B3GALT1: variants seen among roughly 807,000 people sequenced by gnomAD.
B3GALT1 encodes beta-1,3-galactosyltransferase 1, also known as UDP-Gal:betaGlcNAc beta 1,3-galactosyltransferase, polypeptide 1.
B3GALT1 carries 10 observed loss-of-function variants against 23.2 expected under a neutral mutation model. The observed-to-expected ratio is 0.43, with a 90% CI of 0.27 to 0.73. The LOEUF (loss-of-function observed/expected upper bound fraction) is 0.73. Among genes scored for constraint, B3GALT1 ranks in the 30% least tolerant of loss-of-function variants. The pLI, the probability that B3GALT1 is intolerant of heterozygous loss-of-function variation, is 0.21. For missense variants in B3GALT1, 299 were observed against 405.4 expected (o/e 0.74, Z 2.25); for synonymous variants, 156 against 141.5 (o/e 1.10, Z -0.73).
chr2:167,538,978 G>A (rs1405953169), intron 2 of B3GALT1, among the ~76,000 whole-genome samples: 1 of 152,016 alleles, frequency 6.6e-6, no homozygotes, highest in Non-Finnish European at 1.5e-5. Context: ...CCAAATTATT[G>A]CCTTGTTACT....
chr2:167,650,302 CTA>C (rs199838551), intron 3 of B3GALT1, among the ~76,000 whole-genome samples: 8 of 146,578 alleles, frequency 5.5e-5, no homozygotes, highest in East Asian at 4.0e-4. Flanking sequence ...ACCACTTGAT[CTA>C]TATATATATA....
intron 2 of B3GALT1, among the ~76,000 whole-genome samples, chr2:167,491,478 T>C (rs1471130876): frequency 1.5e-5 from 2 of 133,600 alleles, no homozygotes; most frequent in African/African-American, 5.7e-5. Context: ...TTGGTTTTAC[T>C]TTTGCTTTTT....
intron 2 of B3GALT1, among the ~76,000 whole-genome samples, chr2:167,495,992 T>C (rs1222665323): frequency 2.0e-5 from 3 of 152,166 alleles, no homozygotes; most frequent in Non-Finnish European, 4.4e-5. Context: ...TTCCAGAACA[T>C]GAAAGTAGAA....
rs79197656 is a variant in B3GALT1 at position 167,414,921 on chromosome 2, A to G, written c.-510-75256A>G. Among the ~76,000 whole-genome samples the G allele has an allele frequency of 8.7e-3, 1,321 of 152,246 alleles. 19 individuals carry two copies. The highest frequency in any genetic ancestry group is 0.03 in the African/African-American group (1,236 of 41,536). On this transcript the variant is annotated intron_variant, in intron 1 of 4. Coordinates refer to ENST00000392690, the MANE Select transcript of B3GALT1 (RefSeq NM_020981.4). ...CTTCTGCTTTAATTCTTTAACAGAT[A>G]TTTTTCAAACTTAATGTACGTTAAT...
At chr2:167,304,024 C>G (rs943284338) in intron 1 of B3GALT1, among the ~76,000 whole-genome samples, 6 of 152,108 alleles carry the variant, frequency 3.9e-5, no homozygotes, top group African/African-American at 1.4e-4. Context: ...TCAAGGTCTT[C>G]CATACCTTCC....
rs1043088784 is a variant in B3GALT1 at position 167,545,099 on chromosome 2, A to G, written c.-410+54822A>G. 2.4e-5 allele frequency among the ~76,000 whole-genome samples: 3 copies of G among 124,018 alleles called. No homozygotes were observed. The South Asian group carries it at 7.9e-4, about 33-fold the overall frequency. 81.4% of individuals were successfully genotyped at this position (124,018 alleles called of 152,430 possible). On this transcript the variant is annotated intron_variant, in intron 2 of 4. Transcript: ENST00000392690. Reference sequence around the variant, plus strand: ...GCCCAGGCTGGAGTGCAGTGGCACGATCTCTACTCACTGCAAGCTCTGCCT... The same window carrying G: ...GCCCAGGCTGGAGTGCAGTGGCACGGTCTCTACTCACTGCAAGCTCTGCCT...
rs1293645345 is a variant in B3GALT1 at position 167,532,330 on chromosome 2, C to T, written c.-410+42053C>T. ...TAAAGAAATGTTCAAGGCCATTGAA[C>T]CACATAATGTGTTAGAAAATATTCT... is the stretch of plus-strand genomic sequence containing the variant. On this transcript the variant is annotated intron_variant, in intron 2 of 4. Transcript: ENST00000392690. Among the ~76,000 whole-genome samples the T allele has an allele frequency of 2.0e-5, 3 of 152,224 alleles. No homozygotes were observed. In the South Asian group the frequency reaches 6.2e-4, roughly 32 times the overall value.
rs1040501244 is a variant in B3GALT1, at chr2:167,664,173, T to C, written c.-352+17207T>C. ...AGGAAGGGATCCAGTTTCAGCTTTC[T>C]ACATATGGCTAGCCAGTTTTCCAAG... On this transcript the variant is annotated intron_variant, in intron 3 of 4. Transcript: ENST00000392690. Among the ~76,000 whole-genome samples, 4 of 149,948 alleles carry C rather than the reference T, an allele frequency of 2.7e-5. 1 individual carries two copies. Among genetic ancestry groups the C allele is most frequent in the African/African-American group, 9.9e-5 (4 of 40,382 alleles).
At chr2:167,464,392 A>T (rs768387016) in intron 1 of B3GALT1, among the ~76,000 whole-genome samples, 1 of 152,150 alleles carries the variant, frequency 6.6e-6, no homozygotes, top group Admixed American at 6.5e-5. Flanking sequence ...TTCCTGTAAG[A>T]AGTTAAAATT....
intron 3 of B3GALT1, among the ~76,000 whole-genome samples, chr2:167,654,556 G>C (rs894565913): frequency 6.6e-6 from 1 of 152,070 alleles, no homozygotes; most frequent in Admixed American, 6.6e-5. Context: ...CTGGAGTACA[G>C]TTGCTCAATC....
At chr2:167,370,957 T>C (rs1172306055) in intron 1 of B3GALT1, among the ~76,000 whole-genome samples, 1 of 152,090 alleles carries the variant, frequency 6.6e-6, no homozygotes, top group East Asian at 1.9e-4. Flanking sequence ...CAAAAAACCT[T>C]ATTGATCAAT....
intron 1 of B3GALT1, among the ~76,000 whole-genome samples, chr2:167,461,061 CA>C (rs1699251957): frequency 6.6e-6 from 1 of 152,132 alleles, no homozygotes; most frequent in African/African-American, 2.4e-5. Context: ...GGGCTTGCAA[CA>C]ATGGGAGGGG....
At chr2:167,414,920 T>C (rs1365792934) in intron 1 of B3GALT1, among the ~76,000 whole-genome samples, 2 of 152,230 alleles carry the variant, frequency 1.3e-5, no homozygotes, top group African/African-American at 4.8e-5. Context: ...CTTTAACAGA[T>C]ATTTTTCAAA....
chr2:167,370,912 C>A (rs912283481), intron 1 of B3GALT1, among the ~76,000 whole-genome samples: 1 of 152,014 alleles, frequency 6.6e-6, no homozygotes, highest in Non-Finnish European at 1.5e-5. Flanking sequence ...GGCGACAGTG[C>A]GAGACTCCAT....
chr2:167,774,485 GTTTTTTTTTTTGTT>G (rs1688125640), intron 3 of B3GALT1, among the ~76,000 whole-genome samples: 18 of 105,220 alleles, frequency 1.7e-4, no homozygotes, highest in Admixed American at 5.2e-4. Flanking sequence ...TTTTTTTTTT[GTTTTTTTTTTTGTT>G]TTTTTTTTTT....
chr2:167,545,256 T>G (rs546188999), intron 2 of B3GALT1, among the ~76,000 whole-genome samples: 17 of 151,776 alleles, frequency 1.1e-4, no homozygotes, highest in Non-Finnish European at 4.4e-5. Context: ...AGGATGGTCT[T>G]GATCTTCTGA....
At chr2:167,615,437 A>C (rs1234303431) in intron 2 of B3GALT1, among the ~76,000 whole-genome samples, 2 of 152,026 alleles carry the variant, frequency 1.3e-5, no homozygotes, top group Non-Finnish European at 2.9e-5. Context: ...AGGATACAAA[A>C]TTTCAGTTAG....
At position 167,399,868 on chromosome 2, in the gene B3GALT1, G is replaced by C. The variant is rs75851195; in HGVS notation, c.-510-90309G>C. Among the ~76,000 whole-genome samples, 174 of 152,094 alleles carry C rather than the reference G, an allele frequency of 1.1e-3. 1 individual carries two copies. In the East Asian group the frequency reaches 0.018, roughly 16 times the overall value. On this transcript the variant is annotated intron_variant, in intron 1 of 4. Coordinates refer to ENST00000392690, the MANE Select transcript of B3GALT1 (RefSeq NM_020981.4). ...TCATTTTGCTAGGGTATATCCTTAAGTTGCTTTCTCAGAAGGAGGAATTAA... is the reference window on the plus strand; with the variant it reads ...TCATTTTGCTAGGGTATATCCTTAACTTGCTTTCTCAGAAGGAGGAATTAA...
intron 1 of B3GALT1, among the ~76,000 whole-genome samples, chr2:167,425,373 C>A (rs1254096632): frequency 7.2e-5 from 11 of 152,070 alleles, no homozygotes; most frequent in African/African-American, 2.7e-4. Context: ...ACATAAAATA[C>A]AAGAGATTCT....
Sources: gnomAD v4.1 joint callset for allele counts (sites outside exome capture counted in the v4.1 genomes callset) on GRCh38, gnomAD v4.1.1 for gene constraint, MANE v1.5 for transcripts, NCBI Gene and HGNC (gene_info 2026-07-23, HGNC 2026-07-21) for gene names.